Variants in ITFG2 observed in about 807,000 individuals in gnomAD.
The protein encoded by ITFG2 is integrin alpha FG-GAP repeat containing 2, also known as KICSTOR complex protein ITFG2.
A neutral mutation model predicts 54.4 loss-of-function variants in ITFG2; 36 were observed. The ratio of observed to expected loss-of-function variants is 0.66; its 90% CI spans 0.51 to 0.87. ITFG2 has a LOEUF of 0.87. Ranked by LOEUF, ITFG2 falls within the 40% of genes least tolerant of loss-of-function variation. The pLI is 0.00. For missense variants in ITFG2, 524 were observed against 576.7 expected, an observed-to-expected ratio of 0.91 and a Z score of 0.94; for synonymous variants, 211 against 225.4, an observed-to-expected ratio of 0.94 and a Z score of 0.57.
downstream of ITFG2, chr12:2,827,552 T>C: frequency 6.2e-7 from 1 of 1,609,350 alleles, no homozygotes; most frequent in Non-Finnish European, 8.5e-7. The surrounding 1 kb of genome is among the most constrained non-coding windows in gnomAD (Gnocchi z 4.0). Flanking sequence ...CAGAACCTGG[T>C]CCAGGTTCCA....
intron 2 of ITFG2, among the ~76,000 whole-genome samples, chr12:2,850,972 C>T (rs2098068667): frequency 6.7e-6 from 1 of 148,616 alleles, no homozygotes; most frequent in Admixed American, 6.7e-5. Context: ...ACACCAGGCC[C>T]AGAGTCTTTT....
At chr12:2,821,924 T>C (rs1293446329) in intron 9 of ITFG2, 132 bp downstream of exon 9, 2 of 688,534 alleles carry the variant, frequency 2.9e-6, no homozygotes, top group African/African-American at 1.8e-5. Context: ...TCTCTTTTTT[T>C]TTTTTCCTTT....
intron 9 of ITFG2, among the ~76,000 whole-genome samples, 171 bp downstream of exon 9, chr12:2,821,963 CT>C (rs1471087816): frequency 6.6e-6 from 1 of 150,874 alleles, no homozygotes; most frequent in Non-Finnish European, 1.5e-5. Flanking sequence ...GGTCTCCCCC[CT>C]ACCACCTAGG....
rs577053107 is a variant in ITFG2, at chr12:2,812,946, A to G, written c.96+90A>G. On this transcript the variant is annotated intron_variant, in intron 1 of 11. Coordinates refer to ENST00000228799, the MANE Select transcript of ITFG2 (RefSeq NM_018463.4). ...AGAGGCCGCCCGAGCGTGCCACGTG[A>G]GCGTGAGCATGCGCGCTGTGGCTAG... 3.3e-4 allele frequency: 363 copies of G among 1,106,526 alleles called. 4 individuals are homozygous for G. In the South Asian group the frequency reaches 4.6e-3, roughly 14 times the overall value. The allele number at this position is 1,106,526 out of a possible 1,614,324, so 68.5% of individuals were successfully genotyped here. A position where few individuals can be genotyped will look rare whatever the true frequency, so the allele number is the denominator to read the frequency against.
intron 9 of ITFG2, among the ~76,000 whole-genome samples, chr12:2,822,073 G>A (rs891981169): frequency 1.3e-5 from 2 of 152,000 alleles, no homozygotes; most frequent in African/African-American, 2.4e-5. Flanking sequence ...GACTACAGGC[G>A]TGTGCCACCA....
intron 1 of ITFG2, among the ~76,000 whole-genome samples, chr12:2,814,822 A>T (rs1603482274): frequency 6.6e-6 from 1 of 152,084 alleles, no homozygotes; most frequent in East Asian, 1.9e-4. Context: ...ACAGAGTGAG[A>T]CCCTGTCTCA....
intron 2 of ITFG2, among the ~76,000 whole-genome samples, chr12:2,856,593 C>T (rs2098088143): frequency 6.6e-6 from 1 of 152,204 alleles, no homozygotes; most frequent in South Asian, 2.1e-4. Flanking sequence ...AAACTCCTAA[C>T]CTCAGGTGAA....
At position 2,858,681 on chromosome 12, in the gene ITFG2, G is replaced by A. The variant is rs753701595; in HGVS notation, n.620+350G>A. 5 of 1,614,176 alleles carry A rather than the reference G, an allele frequency of 3.1e-6. No individual in the cohort carries two copies. Among genetic ancestry groups the A allele is most frequent in the Non-Finnish European group, 4.2e-6 (5 of 1,180,018 alleles). On this transcript the variant is annotated intron_variant and non_coding_transcript_variant, in intron 3 of 3. Coordinates refer to the ITFG2 transcript ENST00000537710. ...AAACTGGGACCAGTTGATGTTGTCAGGGCCCAGTGGGTCCTCGTCCAGGCC... is the reference window on the plus strand; with the variant it reads ...AAACTGGGACCAGTTGATGTTGTCAAGGCCCAGTGGGTCCTCGTCCAGGCC...
rs1418325659 is a variant in ITFG2 at position 2,821,729 on chromosome 12, C to T, written c.885C>T (p.Asp295=). 1.5e-5 allele frequency: 25 copies of T among 1,614,004 alleles called. No homozygotes were observed. The highest frequency in any genetic ancestry group is 2.1e-5 in the Non-Finnish European group (25 of 1,180,020). ...TCATGGAAGAAATGGAAGAAGCAGA[C>T]AAGCTGCTGTGGTCAGTGCAGGTGG... is the stretch of plus-strand genomic sequence containing the variant. ...LKLMEEMEEA[D]KLLWSVQVDH... Residue 295 remains aspartate, a synonymous_variant, in exon 9 of 12, where the codon GAC becomes GAT. Coordinates refer to ENST00000228799, the MANE Select transcript of ITFG2 (RefSeq NM_018463.4).
chr12:2,855,492 G>A, intron 2 of ITFG2: 1 of 1,348,274 alleles, frequency 7.4e-7, no homozygotes, highest in Non-Finnish European at 9.6e-7. Flanking sequence ...TGCAGACAGG[G>A]GTGCAGAAAG....
chr12:2,848,016 C>T (rs1211320238), intron 2 of ITFG2, among the ~76,000 whole-genome samples: 1 of 152,212 alleles, frequency 6.6e-6, no homozygotes, highest in Non-Finnish European at 1.5e-5. Context: ...CACCTATATT[C>T]TTGTATTTAT....
upstream of ITFG2, chr12:2,834,955 G>A (rs765127682): frequency 3.4e-5 from 54 of 1,591,084 alleles, no homozygotes; most frequent in South Asian, 4.5e-5. Context: ...GGGTCTCCAC[G>A]GGAGGGAAAG....
chr12:2,838,796 C>T (rs934500817), intron 1 of ITFG2, among the ~76,000 whole-genome samples: 2 of 152,132 alleles, frequency 1.3e-5, no homozygotes, highest in Non-Finnish European at 2.9e-5. Context: ...CTCTGCCCTT[C>T]CCCCAGATTG....
At chr12:2,836,347 G>A (rs894179934), upstream of ITFG2, among the ~76,000 whole-genome samples, 1 of 152,176 alleles carries the variant, frequency 6.6e-6, no homozygotes, top group Non-Finnish European at 1.5e-5. Context: ...TCAGGGAAAC[G>A]CATTGGCCAA....
intron 5 of ITFG2, 152 bp from the exon 6 acceptor site, chr12:2,820,572 C>T (rs1417236897): frequency 6.9e-6 from 5 of 724,446 alleles, no homozygotes; most frequent in African/African-American, 1.8e-5. Context: ...AATCCTTCCT[C>T]CTGCTGCTAC....
At chr12:2,817,444 C>G (rs1439945058) in intron 2 of ITFG2, 126 bp downstream of exon 2, 4 of 650,108 alleles carry the variant, frequency 6.2e-6, no homozygotes, top group Non-Finnish European at 1.1e-5. Flanking sequence ...GGCCCAGCCA[C>G]TGACTTGCAG....
At chr12:2,833,960 G>C (rs2098015610), upstream of ITFG2, among the ~76,000 whole-genome samples, 1 of 152,224 alleles carries the variant, frequency 6.6e-6, no homozygotes, top group Admixed American at 6.5e-5. Flanking sequence ...TGTCAGCATT[G>C]CCTCTCAGAG....
At chr12:2,853,423 C>CAT (rs2098077279) in intron 2 of ITFG2, among the ~76,000 whole-genome samples, 2 of 152,086 alleles carry the variant, frequency 1.3e-5, no homozygotes, top group Non-Finnish European at 2.9e-5. Context: ...CAGGCGCCTG[C>CAT]CACCACGCCC....
In ITFG2 at chr12:2,812,785, C is replaced by T. The variant is rs922239753; in HGVS notation, c.25C>T (p.Arg9Cys). 2.5e-6 allele frequency: 4 copies of T among 1,611,890 alleles called. No individual in the cohort carries two copies. The highest frequency in any genetic ancestry group is 3.4e-6 in the Non-Finnish European group (4 of 1,178,262). Residue 9 changes from arginine (R) to cysteine (C), a missense_variant, in exon 1 of 12, where the codon CGC becomes TGC. Physicochemically the swap from Arg to Cys is radical, Grantham distance 180. Transcript: ENST00000228799. Reference sequence around the variant, plus strand: ...CATGAGGTCAGTTAGCTACGTGCAGCGCGTGGCGCTGGAGTTCAGCGGGAG... The same window carrying T: ...CATGAGGTCAGTTAGCTACGTGCAGTGCGTGGCGCTGGAGTTCAGCGGGAG... MRSVSYVQRVALEFSGSLF... is the reference protein window; with the variant it reads MRSVSYVQCVALEFSGSLF...
Sources: allele counts gnomAD v4.1 joint callset (sites outside exome capture counted in the v4.1 genomes callset), GRCh38; gene constraint gnomAD v4.1.1; non-coding constraint Gnocchi (gnomAD v3.1); transcripts MANE v1.5; gene names NCBI Gene and HGNC (gene_info 2026-07-23, HGNC 2026-07-21).